SCG5: variants seen among roughly 807,000 people sequenced by gnomAD.
SCG5 encodes the protein neuroendocrine protein 7B2.
In SCG5, 18 loss-of-function variants were observed where a neutral mutation model predicts 25.7. The ratio of observed to expected loss-of-function variants is 0.70; its 90% CI spans 0.48 to 1.04. The LOEUF is 1.04. Ranked by LOEUF, SCG5 falls within the 50% of genes least tolerant of loss-of-function variation. The pLI, the probability that SCG5 is intolerant of heterozygous loss-of-function variation, is 0.00. For missense variants in SCG5, 206 were observed against 259.8 expected, an observed-to-expected ratio of 0.79 and a Z score of 1.42; for synonymous variants, 101 against 91.7, an observed-to-expected ratio of 1.10 and a Z score of -0.58.
At chr15:32,651,068 A>G (rs984792571) in intron 2 of SCG5, among the ~76,000 whole-genome samples, 1 of 152,110 alleles carries the variant, frequency 6.6e-6, no homozygotes, top group East Asian at 1.9e-4. Context: ...GCATGGTGGC[A>G]CGTGCCTGTA....
chr15:32,647,222 T>G (rs192722635), intron 2 of SCG5, among the ~76,000 whole-genome samples: 1 of 152,364 alleles, frequency 6.6e-6, no homozygotes, highest in Admixed American at 6.5e-5. Context: ...CATGGATAAC[T>G]GTGCTACGAT....
chr15:32,642,108 G>T (rs560089283), intron 1 of SCG5, among the ~76,000 whole-genome samples: 1 of 152,104 alleles, frequency 6.6e-6, no homozygotes, highest in Non-Finnish European at 1.5e-5. Flanking sequence ...GCTACTCTCA[G>T]CTCTTTGGAG....
intron 1 of SCG5, 51 bp from the exon 2 acceptor site, chr15:32,643,535 C>G: frequency 7.3e-7 from 1 of 1,377,512 alleles, no homozygotes; most frequent in South Asian, 1.2e-5. Context: ...ATTGTATTAT[C>G]ACAATTGCCG....
intron 2 of SCG5, among the ~76,000 whole-genome samples, chr15:32,664,548 C>A (rs1240655982): frequency 1.3e-5 from 2 of 152,178 alleles, no homozygotes; most frequent in Non-Finnish European, 2.9e-5. Flanking sequence ...GCCTGAAACT[C>A]ATGCAATTTG....
chr15:32,673,791 T>C (rs1039113932), intron 2 of SCG5, among the ~76,000 whole-genome samples: 2 of 152,110 alleles, frequency 1.3e-5, no homozygotes, highest in Non-Finnish European at 2.9e-5. Flanking sequence ...TGGAGTGCAG[T>C]GGCATGATCT....
At chr15:32,690,795 T>G (rs2054836801) in intron 4 of SCG5, among the ~76,000 whole-genome samples, 1 of 151,884 alleles carries the variant, frequency 6.6e-6, no homozygotes, top group Non-Finnish European at 1.5e-5. Context: ...CAGAACTCTG[T>G]GGTTGTCTTT....
chr15:32,692,330 A>T (rs2054874306), intron 5 of SCG5: 1 of 966,656 alleles, frequency 1.0e-6, no homozygotes, highest in African/African-American at 1.8e-5. Flanking sequence ...TGTTGAATTT[A>T]CTGCAGGCTT....
intron 2 of SCG5, among the ~76,000 whole-genome samples, chr15:32,653,298 T>C (rs1176889377): frequency 1.3e-5 from 2 of 152,228 alleles, no homozygotes; most frequent in African/African-American, 2.4e-5. Context: ...GTGACTATCT[T>C]AGAATGTCAA....
At chr15:32,692,579 A>C (rs920288777) in intron 5 of SCG5, among the ~76,000 whole-genome samples, 2 of 152,228 alleles carry the variant, frequency 1.3e-5, no homozygotes, top group Non-Finnish European at 2.9e-5. Flanking sequence ...TGATCAGATG[A>C]AAGTGGGAGA....
intron 2 of SCG5, among the ~76,000 whole-genome samples, chr15:32,650,292 G>T (rs1483475148): frequency 1.3e-5 from 2 of 151,942 alleles, no homozygotes; most frequent in African/African-American, 4.8e-5. Context: ...TAGTAGAGAC[G>T]GGGTTTCACC....
chr15:32,643,612 C>G lies in SCG5; in HGVS notation c.20C>G (p.Ser7Cys), dbSNP rs201757263. 44 of 1,613,974 alleles carry G rather than the reference C, an allele frequency of 2.7e-5. 1 individual carries two copies. In the African/African-American group the frequency reaches 4.3e-4, roughly 16 times the overall value. The change falls in exon 2 of 6, where the codon TCT becomes TGT. Residue 7 changes from serine (S) to cysteine (C), a missense_variant. Ser to Cys is a moderately radical substitution (Grantham distance 112, BLOSUM62 -1). Transcript: ENST00000300175. Reference protein sequence around the residue: MVSRMVSTMLSGLLFWL... With the variant: MVSRMVCTMLSGLLFWL... ...TTGACAATGGTCTCCAGGATGGTCT[C>G]TACCATGCTATCTGGCCTACTGTTT...
chr15:32,654,391 C>A (rs2054081231), intron 2 of SCG5, among the ~76,000 whole-genome samples: 1 of 152,166 alleles, frequency 6.6e-6, no homozygotes, highest in Admixed American at 6.5e-5. Flanking sequence ...GGGGATTAGG[C>A]TTCAACATGT....
At chr15:32,642,833 G>A (rs2053887208) in intron 1 of SCG5, among the ~76,000 whole-genome samples, 1 of 152,032 alleles carries the variant, frequency 6.6e-6, no homozygotes, top group Non-Finnish European at 1.5e-5. Flanking sequence ...CAATATAGGG[G>A]CTCATTCTGT....
chr15:32,679,859 T>G lies in SCG5; in HGVS notation c.320T>G (p.Phe107Cys). The stretch of plus-strand genomic sequence containing the variant: ...ACTGGAGACAACATTCCTAAGGACT[T>G]TAGTGAGGATCAGGGGTACCCAGAC... ...ELTGDNIPKD[F>C]SEDQGYPDPP... Residue 107 changes from phenylalanine to cysteine, a missense_variant, in exon 3 of 6, where the codon TTT becomes TGT. Phe to Cys is a radical substitution (Grantham distance 205, BLOSUM62 -2). Coordinates refer to ENST00000300175, the MANE Select transcript of SCG5 (RefSeq NM_001144757.3). 2.5e-6 allele frequency: 4 copies of G among 1,613,902 alleles called. No individual in the cohort carries two copies. Among genetic ancestry groups the G allele is most frequent in the Non-Finnish European group, 3.4e-6 (4 of 1,179,838 alleles).
Position 32,641,736 on chromosome 15 carries a change from C to G in SCG5, c.-50C>G, listed in dbSNP as rs1031269979. 6.6e-6 allele frequency: 1 copy of G among 152,310 alleles called. No individual in the cohort carries two copies. The highest frequency in any genetic ancestry group is 6.5e-5 in the Admixed American group (1 of 15,292). 9.4% of individuals were successfully genotyped at this position (152,310 alleles called of 1,614,324 possible). A position where few individuals can be genotyped will look rare whatever the true frequency, so the allele number is the denominator to read the frequency against. On this transcript the variant is annotated 5_prime_UTR_variant, in exon 1 of 6. Transcript: ENST00000300175. ...GTTCGCCCGTTCCTGGCCTGACCCCCACCAAGGCCCATACCGCAGTAGGCT... is the reference window on the plus strand; with the variant it reads ...GTTCGCCCGTTCCTGGCCTGACCCCGACCAAGGCCCATACCGCAGTAGGCT...
intron 4 of SCG5, among the ~76,000 whole-genome samples, chr15:32,690,377 C>A (rs1212079812): frequency 6.6e-6 from 1 of 152,222 alleles, no homozygotes; most frequent in African/African-American, 2.4e-5. Flanking sequence ...TTCGGATATT[C>A]TCTGCCTCAG....
chr15:32,696,724 G>T lies in SCG5; in HGVS notation c.*115G>T. 4 of 667,544 alleles carry T rather than the reference G, an allele frequency of 6.0e-6. No individual in the cohort carries two copies. In the South Asian group the frequency reaches 7.2e-5, roughly 12 times the overall value. 41.4% of individuals were successfully genotyped at this position (667,544 alleles called of 1,614,324 possible). ...CATGTTTCTTACATAGATAATTATG[G>T]ATACAAAGCAGCTGTATGTAGATAG... On this transcript the variant is annotated 3_prime_UTR_variant, in exon 6 of 6. Transcript: ENST00000300175.
rs539870092 is a variant in SCG5 at position 32,648,896 on chromosome 15, C to T, written c.226+5078C>T. Reference sequence around the variant, plus strand: ...TCGCCATTCTCCTGCCTCAGCCTCCCCAGTAGCTGGGACTACAGGCGCCCG... The same window carrying T: ...TCGCCATTCTCCTGCCTCAGCCTCCTCAGTAGCTGGGACTACAGGCGCCCG... On this transcript the variant is annotated intron_variant, in intron 2 of 5. Coordinates refer to ENST00000300175, the MANE Select transcript of SCG5 (RefSeq NM_001144757.3). Among the ~76,000 whole-genome samples, 3 of 152,228 alleles carry T rather than the reference C, an allele frequency of 2.0e-5. 1 individual carries two copies. Among genetic ancestry groups the T allele is most frequent in the African/African-American group, 7.2e-5 (3 of 41,522 alleles).
chr15:32,682,879 C>G (rs894305204), intron 3 of SCG5, among the ~76,000 whole-genome samples: 2 of 152,150 alleles, frequency 1.3e-5, no homozygotes, highest in Non-Finnish European at 2.9e-5. Context: ...TCCATCTCAG[C>G]CTCAGAGATA....
Sources: gnomAD v4.1 joint callset for allele counts (sites outside exome capture counted in the v4.1 genomes callset) on GRCh38, gnomAD v4.1.1 for gene constraint, MANE v1.5 for transcripts, NCBI Gene and HGNC (gene_info 2026-07-23, HGNC 2026-07-21) for gene names.